TMEM217B: variants seen among roughly 807,000 people sequenced by gnomAD.
TMEM217B encodes the protein putative transmembrane protein 217B.
chr6:37,222,164 G>A, the TMEM217B span, among the ~76,000 whole-genome samples: 20 of 152,208 alleles, frequency 1.3e-4, no homozygotes, highest in Non-Finnish European at 1.5e-5. Context: ...TGGTACATCG[G>A]GGGCCATGGG....
At chr6:37,234,463 T>C in the TMEM217B span, among the ~76,000 whole-genome samples, 1 of 152,200 alleles carries the variant, frequency 6.6e-6, no homozygotes, top group East Asian at 1.9e-4. Flanking sequence ...CATAACCTCA[T>C]CGTAAGTTGA....
the TMEM217B span, among the ~76,000 whole-genome samples, chr6:37,252,635 A>ATT: frequency 9.0e-3 from 545 of 60,304 alleles, 11 homozygotes; most frequent in African/African-American, 0.03. Flanking sequence ...ATATATATAT[A>ATT]TATTTTTTTT....
At chr6:37,247,824 G>A in the TMEM217B span, among the ~76,000 whole-genome samples, 1 of 152,184 alleles carries the variant, frequency 6.6e-6, no homozygotes, top group Admixed American at 6.5e-5. Flanking sequence ...TCAGTCACTA[G>A]TTGAGGGCTG....
the TMEM217B span, among the ~76,000 whole-genome samples, chr6:37,241,590 T>C: frequency 2.0e-5 from 3 of 152,200 alleles, no homozygotes; most frequent in East Asian, 5.8e-4. Context: ...CCAGTGATGC[T>C]ACAGGTTTTC....
At chr6:37,233,386 T>C in the TMEM217B span, among the ~76,000 whole-genome samples, 2 of 152,158 alleles carry the variant, frequency 1.3e-5, no homozygotes, top group Non-Finnish European at 2.9e-5. Context: ...ACAACAGAAA[T>C]TTATTTCTCA....
At chr6:37,215,328 G>C in the TMEM217B span, 2 of 1,598,566 alleles carry the variant, frequency 1.3e-6, no homozygotes, top group Non-Finnish European at 1.7e-6. Flanking sequence ...TTTTAATTAA[G>C]AGAAAAGAAA....
chr6:37,234,875 T>C, the TMEM217B span, among the ~76,000 whole-genome samples: 3 of 152,090 alleles, frequency 2.0e-5, no homozygotes, highest in Non-Finnish European at 4.4e-5. Flanking sequence ...AAAAGAGAAA[T>C]GCTGGTTTTA....
chr6:37,226,956 T>G, the TMEM217B span, among the ~76,000 whole-genome samples: 1 of 152,256 alleles, frequency 6.6e-6, no homozygotes, highest in African/African-American at 2.4e-5. Context: ...AATTGTTATT[T>G]AAATATTTTA....
the TMEM217B span, among the ~76,000 whole-genome samples, chr6:37,255,330 TG>T: frequency 2.0e-3 from 299 of 152,180 alleles, 5 homozygotes; most frequent in South Asian, 0.028. Context: ...CCAAGTACAA[TG>T]GGGGCCATTG....
the TMEM217B span, chr6:37,218,912 C>G: frequency 1.2e-6 from 2 of 1,614,160 alleles, no homozygotes. Context: ...AGTGCAACTG[C>G]CATTCCCTAG....
the TMEM217B span, chr6:37,215,265 A>G: frequency 1.9e-6 from 3 of 1,613,830 alleles, no homozygotes; most frequent in Admixed American, 3.3e-5. Context: ...CAGACAGGTA[A>G]ATATGCTAGT....
the TMEM217B span, among the ~76,000 whole-genome samples, chr6:37,225,306 A>G: frequency 3.4e-4 from 51 of 152,198 alleles, no homozygotes; most frequent in African/African-American, 1.2e-3. Flanking sequence ...AGGGGCACAT[A>G]GATAATTATG....
chr6:37,231,858 C>T, the TMEM217B span, among the ~76,000 whole-genome samples: 6 of 150,626 alleles, frequency 4.0e-5, no homozygotes, highest in Non-Finnish European at 8.8e-5. Flanking sequence ...CACTTTCAGA[C>T]CATTATTCTT....
the TMEM217B span, among the ~76,000 whole-genome samples, chr6:37,215,794 G>T: frequency 2.6e-5 from 4 of 151,912 alleles, no homozygotes; most frequent in Admixed American, 1.3e-4. Context: ...GAAAAAGGAG[G>T]GACTTCACCC....
At chr6:37,253,531 T>A in the TMEM217B span, among the ~76,000 whole-genome samples, 1 of 152,160 alleles carries the variant, frequency 6.6e-6, no homozygotes, top group Non-Finnish European at 1.5e-5. Flanking sequence ...GCTCTAACAG[T>A]GGTTGTTTAG....
the TMEM217B span, among the ~76,000 whole-genome samples, chr6:37,256,708 A>G: frequency 7.7e-6 from 1 of 129,438 alleles, no homozygotes; most frequent in Non-Finnish European, 1.6e-5. Flanking sequence ...GTATTCTCCA[A>G]TATGTGGAAG....
chr6:37,229,002 A>G, the TMEM217B span, among the ~76,000 whole-genome samples: 6 of 152,030 alleles, frequency 3.9e-5, no homozygotes, highest in Non-Finnish European at 8.8e-5. Context: ...GTCTCAAAAA[A>G]AAAACAAAAA....
the TMEM217B span, chr6:37,257,868 C>T: frequency 2.5e-6 from 4 of 1,595,042 alleles, no homozygotes; most frequent in East Asian, 6.8e-5. Flanking sequence ...GGGGGCATCT[C>T]GCCGGGCAAA....
the TMEM217B span, among the ~76,000 whole-genome samples, chr6:37,246,981 G>C: frequency 1.3e-5 from 2 of 152,100 alleles, no homozygotes; most frequent in Non-Finnish European, 2.9e-5. Flanking sequence ...GCATGGTTAG[G>C]AGTTTGGATT....
Sources: allele counts gnomAD v4.1 joint callset (sites outside exome capture counted in the v4.1 genomes callset), GRCh38; gene constraint gnomAD v4.1.1; transcripts MANE v1.5; gene names NCBI Gene and HGNC (gene_info 2026-07-23, HGNC 2026-07-21).